ROBO2: variants seen among roughly 807,000 people sequenced by gnomAD.
ROBO2 encodes roundabout homolog 2.
In ROBO2, 53 loss-of-function variants were observed where a neutral mutation model predicts 160.8. That is an observed-to-expected ratio of 0.33 (90% CI 0.26 to 0.41). The LOEUF is 0.41. ROBO2 is among the 10% of genes least tolerant of loss of function. The pLI is 1.00. For missense variants in ROBO2, 1,577 were observed against 1,722.4 expected, an observed-to-expected ratio of 0.92 and a Z score of 1.49; for synonymous variants, 664 against 611.7, an observed-to-expected ratio of 1.09 and a Z score of -1.26.
intron 2 of ROBO2, among the ~76,000 whole-genome samples, chr3:76,136,948 G>A (rs1039049441): frequency 6.6e-6 from 1 of 151,940 alleles, no homozygotes; most frequent in African/African-American, 2.4e-5. Flanking sequence ...TAGAAAACAT[G>A]TTAAGTGGAT....
At chr3:76,119,075 A>C (rs1468427091) in intron 2 of ROBO2, among the ~76,000 whole-genome samples, 1 of 152,200 alleles carries the variant, frequency 6.6e-6, no homozygotes, top group African/African-American at 2.4e-5. Flanking sequence ...TACAGAGAAA[A>C]ATATTGTATA....
intron 2 of ROBO2, among the ~76,000 whole-genome samples, chr3:76,888,027 C>CTGA (rs1559655052): frequency 6.6e-6 from 1 of 152,160 alleles, no homozygotes; most frequent in African/African-American, 2.4e-5. Flanking sequence ...TAAAATAGCA[C>CTGA]TGATAATGGA....
intron 2 of ROBO2, among the ~76,000 whole-genome samples, chr3:76,082,125 C>T (rs1302151106): frequency 4.6e-5 from 7 of 152,056 alleles, no homozygotes; most frequent in South Asian, 2.1e-4. Context: ...TGTCAATCAC[C>T]GCCCTAAAGG....
At chr3:76,675,351 A>AT in intron 2 of ROBO2, among the ~76,000 whole-genome samples, 1 of 152,182 alleles carries the variant, frequency 6.6e-6, no homozygotes, top group Non-Finnish European at 1.5e-5. Flanking sequence ...ACTCGAAGCA[A>AT]TTTACATACT....
chr3:77,224,627 C>CTTTG (rs58851072), intron 2 of ROBO2, among the ~76,000 whole-genome samples: 1 of 151,478 alleles, frequency 6.6e-6, no homozygotes, highest in Non-Finnish European at 1.5e-5. Flanking sequence ...GTGTGTGTTT[C>CTTTG]TTTGTTTGTT....
At chr3:77,356,101 G>T (rs1195950385) in intron 2 of ROBO2, among the ~76,000 whole-genome samples, 1 of 151,988 alleles carries the variant, frequency 6.6e-6, no homozygotes, top group Non-Finnish European at 1.5e-5. Flanking sequence ...GCATCAATAG[G>T]GAAATAAATA....
At chr3:76,424,499 G>A (rs951553256) in intron 2 of ROBO2, among the ~76,000 whole-genome samples, 1 of 152,162 alleles carries the variant, frequency 6.6e-6, no homozygotes, top group Non-Finnish European at 1.5e-5. Context: ...GCTGCCAGGA[G>A]CTGGGGGCAG....
chr3:77,526,771 T>C (rs1325592022), intron 6 of ROBO2, among the ~76,000 whole-genome samples: 6 of 151,472 alleles, frequency 4.0e-5, no homozygotes, highest in African/African-American at 1.2e-4. Context: ...TGTCAGTCAT[T>C]GTTTCCTGCC....
chr3:76,337,382 A>G (rs985635866), intron 2 of ROBO2, among the ~76,000 whole-genome samples: 4 of 152,214 alleles, frequency 2.6e-5, no homozygotes, highest in African/African-American at 7.2e-5. Flanking sequence ...GGTAAAATAC[A>G]TGGGTTGAAG....
At chr3:76,112,180 T>C (rs761672901) in intron 2 of ROBO2, among the ~76,000 whole-genome samples, 52 of 152,174 alleles carry the variant, frequency 3.4e-4, no homozygotes, top group Non-Finnish European at 5.3e-4. Flanking sequence ...TTTCCAGATA[T>C]TTTCCTATCT....
At chr3:76,432,891 GA>G (rs1382191255) in intron 2 of ROBO2, among the ~76,000 whole-genome samples, 1 of 149,938 alleles carries the variant, frequency 6.7e-6, no homozygotes, top group Non-Finnish European at 1.5e-5. Flanking sequence ...AGGAATGAAG[GA>G]AAAAAAGGGA....
intron 2 of ROBO2, among the ~76,000 whole-genome samples, chr3:76,922,182 G>A (rs558504868): frequency 1.2e-4 from 18 of 152,026 alleles, no homozygotes; most frequent in Non-Finnish European, 2.2e-4. Context: ...ATGGTGGCGG[G>A]TGCCTGTAGT....
At position 76,555,419 on chromosome 3, in the gene ROBO2, A is replaced by AGG. The variant is rs1560141512; in HGVS notation, c.110-542595_110-542594insGG. On this transcript the variant is annotated intron_variant, in intron 2 of 26. Transcript: ENST00000487694. ...AAGAAGAAGAAGAAGAAGAAGAAGA[A>AGG]AGAAGGAGAAGGGGAAGGGGAAGAG... 3.6e-3 allele frequency among the ~76,000 whole-genome samples: 298 copies of AGG among 81,994 alleles called. 1 individual carries two copies. The highest frequency in any genetic ancestry group is 0.011 in the African/African-American group (284 of 25,918). The allele number at this position is 81,994 out of a possible 152,430, so 53.8% of individuals were successfully genotyped here. A position where few individuals can be genotyped will look rare whatever the true frequency, so the allele number is the denominator to read the frequency against.
intron 2 of ROBO2, among the ~76,000 whole-genome samples, chr3:76,265,948 C>T (rs1185618427): frequency 2.0e-5 from 3 of 152,190 alleles, no homozygotes; most frequent in African/African-American, 4.8e-5. Flanking sequence ...GGTAAGTAAG[C>T]TCTTCAATAG....
intron 2 of ROBO2, among the ~76,000 whole-genome samples, chr3:76,212,071 A>G (rs1703179941): frequency 6.6e-6 from 1 of 152,002 alleles, no homozygotes; most frequent in Admixed American, 6.5e-5. Context: ...AACCATAATA[A>G]GTATATTTTT....
intron 2 of ROBO2, among the ~76,000 whole-genome samples, chr3:76,770,446 C>T (rs1225168752): frequency 6.6e-6 from 1 of 151,200 alleles, no homozygotes; most frequent in Non-Finnish European, 1.5e-5. Context: ...AAACACCTGG[C>T]ACACTTCCAT....
chr3:76,114,500 T>C (rs980671059), intron 2 of ROBO2, among the ~76,000 whole-genome samples: 2 of 152,148 alleles, frequency 1.3e-5, no homozygotes, highest in African/African-American at 4.8e-5. Context: ...GTCAATATTA[T>C]TTATATGCAT....
At chr3:76,546,188 C>G (rs2083087108) in intron 2 of ROBO2, among the ~76,000 whole-genome samples, 1 of 151,874 alleles carries the variant, frequency 6.6e-6, no homozygotes, top group Non-Finnish European at 1.5e-5. Context: ...CAAAATATTT[C>G]TCTCTTCCAT....
chr3:76,154,831 G>A (rs942031218), intron 2 of ROBO2, among the ~76,000 whole-genome samples: 2 of 151,990 alleles, frequency 1.3e-5, no homozygotes, highest in African/African-American at 2.4e-5. Context: ...TATTTTAAGG[G>A]TAATGACACC....
Sources: gnomAD v4.1 joint callset for allele counts (sites outside exome capture counted in the v4.1 genomes callset) on GRCh38, gnomAD v4.1.1 for gene constraint, MANE v1.5 for transcripts, NCBI Gene and HGNC (gene_info 2026-07-23, HGNC 2026-07-21) for gene names.